Variants in SH3GL3 observed in about 807,000 individuals in gnomAD.
SH3GL3 encodes endophilin-A3.
In SH3GL3, 33 loss-of-function variants were observed where a neutral mutation model predicts 47.7. The observed-to-expected ratio is 0.69, with a 90% CI of 0.52 to 0.92. The LOEUF (loss-of-function observed/expected upper bound fraction) is 0.92. SH3GL3 is among the 40% of genes least tolerant of loss of function. SH3GL3 has a pLI of 0.00. For synonymous variants in SH3GL3, 155 were observed against 148.8 expected, an observed-to-expected ratio of 1.04 and a Z score of -0.30; for missense variants, 363 against 417.8, an observed-to-expected ratio of 0.87 and a Z score of 1.14.
chr15:83,623,529 G>A (rs1377465530), downstream of SH3GL3, among the ~76,000 whole-genome samples: 1 of 152,246 alleles, frequency 6.6e-6, no homozygotes, highest in Admixed American at 6.5e-5. Flanking sequence ...GCTTTCTCAA[G>A]TCCCTGTTGA....
At chr15:83,623,429 C>A (rs1247439131), downstream of SH3GL3, among the ~76,000 whole-genome samples, 1 of 152,224 alleles carries the variant, frequency 6.6e-6, no homozygotes, top group Non-Finnish European at 1.5e-5. Context: ...TGACTCAGTT[C>A]TGCTCCACAT....
chr15:83,527,588 T>C (rs970883128), intron 1 of SH3GL3, among the ~76,000 whole-genome samples: 1 of 152,188 alleles, frequency 6.6e-6, no homozygotes, highest in African/African-American at 2.4e-5. Context: ...CCCTTTACTT[T>C]TAGTTTATAT....
intron 1 of SH3GL3, among the ~76,000 whole-genome samples, chr15:83,542,328 G>C (rs763924729): frequency 1.3e-5 from 2 of 152,016 alleles, no homozygotes; most frequent in South Asian, 2.1e-4. Context: ...CCATTGGTCT[G>C]TGTGTCTGTT....
At chr15:83,510,672 G>A (rs1263637113) in intron 1 of SH3GL3, among the ~76,000 whole-genome samples, 10 of 152,140 alleles carry the variant, frequency 6.6e-5, no homozygotes, top group African/African-American at 4.8e-5. Context: ...TTATGGAAAA[G>A]TCAAAGCTTG....
In SH3GL3 at chr15:83,495,895, G is replaced by A. The variant is rs78196403; in HGVS notation, c.45+48317G>A. ...TCTAAGTACAAATTTTTATATGTGTGTGTGTTTGTGTGTGTGTATGTGTAG... is the reference window on the plus strand; with the variant it reads ...TCTAAGTACAAATTTTTATATGTGTATGTGTTTGTGTGTGTGTATGTGTAG... On this transcript the variant is annotated intron_variant, in intron 1 of 8. Transcript: ENST00000427482. Among the ~76,000 whole-genome samples, 395 of 152,090 alleles carry A rather than the reference G, an allele frequency of 2.6e-3. 3 individuals carry two copies. Among genetic ancestry groups the A allele is most frequent in the African/African-American group, 9.0e-3 (372 of 41,472 alleles).
chr15:83,633,041 C>A, the SH3GL3 span, among the ~76,000 whole-genome samples: 1 of 152,184 alleles, frequency 6.6e-6, no homozygotes, highest in Admixed American at 6.5e-5. Flanking sequence ...AAAAGATTTA[C>A]CATACCAAGT....
intron 1 of SH3GL3, among the ~76,000 whole-genome samples, chr15:83,554,336 C>T (rs899058525): frequency 6.6e-6 from 1 of 151,998 alleles, no homozygotes; most frequent in Admixed American, 6.6e-5. Flanking sequence ...TACAGGCATG[C>T]GCCACCACAC....
At chr15:83,606,728 G>A (rs896682153) in intron 8 of SH3GL3, among the ~76,000 whole-genome samples, 1 of 152,162 alleles carries the variant, frequency 6.6e-6, no homozygotes, top group Non-Finnish European at 1.5e-5. Context: ...GTATGAGTTG[G>A]GGTGAGTTTC....
chr15:83,492,256 G>T (rs558586200), intron 1 of SH3GL3, among the ~76,000 whole-genome samples: 2 of 131,902 alleles, frequency 1.5e-5, no homozygotes, highest in Admixed American at 8.9e-5. Flanking sequence ...ACTGCAGCCT[G>T]GTGACAGAGC....
chr15:83,473,053 T>G lies in SH3GL3; in HGVS notation c.45+25475T>G, dbSNP rs2040903067. Among the ~76,000 whole-genome samples the G allele has an allele frequency of 2.6e-5, 4 of 152,346 alleles. No homozygotes were observed. In the Middle Eastern group the frequency reaches 0.01, roughly 389 times the overall value. On this transcript the variant is annotated intron_variant, in intron 1 of 8. Coordinates refer to ENST00000427482, the MANE Select transcript of SH3GL3 (RefSeq NM_003027.5). ...TGAGTGCCTTGTTACTGCTCTGCAC[T>G]TGGCCTCAACTGACACCATGGCGGG...
At chr15:83,513,149 A>G (rs952320874) in intron 1 of SH3GL3, among the ~76,000 whole-genome samples, 9 of 152,130 alleles carry the variant, frequency 5.9e-5, no homozygotes, top group African/African-American at 2.2e-4. Context: ...TCCACTAGTG[A>G]TGCATTAATC....
intron 1 of SH3GL3, among the ~76,000 whole-genome samples, chr15:83,516,825 G>A (rs190704663): frequency 6.6e-6 from 1 of 152,198 alleles, no homozygotes; most frequent in Admixed American, 6.5e-5. Context: ...CCTAAATACT[G>A]TGAATTGAAT....
At chr15:83,483,724 T>G (rs2041474788) in intron 1 of SH3GL3, among the ~76,000 whole-genome samples, 1 of 152,258 alleles carries the variant, frequency 6.6e-6, no homozygotes, top group Non-Finnish European at 1.5e-5. Context: ...CATCAGTAAC[T>G]ACCACAAGTG....
chr15:83,501,560 CG>C (rs2042294826), intron 1 of SH3GL3, among the ~76,000 whole-genome samples: 1 of 152,146 alleles, frequency 6.6e-6, no homozygotes, highest in East Asian at 1.9e-4. Flanking sequence ...CTCAGTTACT[CG>C]TCCTACACAT....
intron 8 of SH3GL3, among the ~76,000 whole-genome samples, chr15:83,596,908 T>C (rs1396940442): frequency 1.1e-4 from 16 of 152,198 alleles, no homozygotes; most frequent in Admixed American, 1.0e-3. Flanking sequence ...TTGCTCTCTG[T>C]ACCTCTGTTT....
chr15:83,534,688 C>T (rs986330917), intron 1 of SH3GL3, among the ~76,000 whole-genome samples: 3 of 152,064 alleles, frequency 2.0e-5, no homozygotes, highest in African/African-American at 7.2e-5. Context: ...CTTCTGTTCC[C>T]CTCAGACTTG....
At chr15:83,556,808 T>A (rs958527817) in intron 1 of SH3GL3, among the ~76,000 whole-genome samples, 1 of 152,226 alleles carries the variant, frequency 6.6e-6, no homozygotes, top group African/African-American at 2.4e-5. Flanking sequence ...GTGGATGTGC[T>A]GGTGTGGTTG....
rs1423158239 is a variant in SH3GL3, at chr15:83,559,386, C to T, written c.114+65C>T. On this transcript the variant is annotated intron_variant, in intron 2 of 8. Coordinates refer to ENST00000427482, the MANE Select transcript of SH3GL3 (RefSeq NM_003027.5). ...TTTCATTGTGATATGAGATATACTG[C>T]TATTGTAAAGGATATTCGAGTGGAA... 4.6e-6 allele frequency: 4 copies of T among 868,878 alleles called. No individual in the cohort carries two copies. In the East Asian group the frequency reaches 7.3e-5, roughly 16 times the overall value. 53.8% of individuals were successfully genotyped at this position (868,878 alleles called of 1,614,324 possible).
At chr15:83,536,043 T>C (rs2043887012) in intron 1 of SH3GL3, among the ~76,000 whole-genome samples, 1 of 152,210 alleles carries the variant, frequency 6.6e-6, no homozygotes, top group Non-Finnish European at 1.5e-5. Flanking sequence ...AGATAGGATA[T>C]GCAAAAAGTG....
Sources: gnomAD v4.1 joint callset for allele counts (sites outside exome capture counted in the v4.1 genomes callset) on GRCh38, gnomAD v4.1.1 for gene constraint, MANE v1.5 for transcripts, NCBI Gene and HGNC (gene_info 2026-07-23, HGNC 2026-07-21) for gene names.